Variants in CACNA1C observed in about 807,000 individuals in gnomAD.
CACNA1C encodes the protein calcium voltage-gated channel subunit alpha1 C.
Under a neutral mutation model 229.0 loss-of-function variants are expected in CACNA1C, and 30 were observed. The observed-to-expected ratio is 0.13, with a 90% CI of 0.10 to 0.18. The LOEUF (loss-of-function observed/expected upper bound fraction) is 0.18. CACNA1C is among the 10% of genes least tolerant of loss of function. The pLI, the probability that CACNA1C is intolerant of heterozygous loss-of-function variation, is 1.00. For missense variants in CACNA1C, 1,658 were observed against 2,845.0 expected (o/e 0.58, Z 9.49); for synonymous variants, 1,114 against 1,132.5 (o/e 0.98, Z 0.33).
intron 1 of CACNA1C, among the ~76,000 whole-genome samples, chr12:2,077,944 A>G (rs975519003): frequency 6.6e-6 from 1 of 152,248 alleles, no homozygotes; most frequent in Non-Finnish European, 1.5e-5. Context: ...TAACATAAAA[A>G]TGAAATCTAA....
intron 3 of CACNA1C, among the ~76,000 whole-genome samples, chr12:2,400,049 A>T (rs1476179848): frequency 6.6e-6 from 1 of 152,180 alleles, no homozygotes; most frequent in African/African-American, 2.4e-5. Context: ...GGTGAAAGCA[A>T]GGGGGGTGTA....
At chr12:2,207,375 T>G (rs916444520) in intron 3 of CACNA1C, among the ~76,000 whole-genome samples, 9 of 152,222 alleles carry the variant, frequency 5.9e-5, no homozygotes, top group Admixed American at 4.6e-4. Context: ...TTGTGATAGT[T>G]TGTGTGATAG....
chr12:2,525,499 C>G (rs2099817040), intron 9 of CACNA1C, among the ~76,000 whole-genome samples: 1 of 152,188 alleles, frequency 6.6e-6, no homozygotes, highest in African/African-American at 2.4e-5. Context: ...TTGGTTTGTC[C>G]TGCCTGCTCC....
chr12:2,402,665 A>C (rs2239063), intron 3 of CACNA1C, among the ~76,000 whole-genome samples: 35,331 of 152,200 alleles, frequency 0.23, 4,781 homozygotes, highest in South Asian at 0.32. Flanking sequence ...ATGTTGTTGT[A>C]ATCTGGAGAT....
chr12:2,276,224 G>A (rs1345483552), intron 3 of CACNA1C, among the ~76,000 whole-genome samples: 1 of 152,192 alleles, frequency 6.6e-6, no homozygotes, highest in Non-Finnish European at 1.5e-5. Context: ...TTGGCTCCAG[G>A]TCTGGGATAT....
intron 1 of CACNA1C, among the ~76,000 whole-genome samples, chr12:2,114,210 T>C (rs2154134996): frequency 6.6e-6 from 1 of 152,294 alleles, no homozygotes; most frequent in Admixed American, 6.5e-5. Context: ...AGATGGTGAT[T>C]GGAGCAGCTG....
rs1294444897 is a variant in CACNA1C, at chr12:2,691,074, G to A, written c.6292G>A (p.Val2098Met). Residue 2098 changes from valine (V) to methionine (M), a missense_variant, in exon 47 of 47, where the codon GTG becomes ATG. Physicochemically the swap from Val to Met is conservative, Grantham distance 21. Around this residue, in one of 20 missense-constraint regions of CACNA1C, gnomAD observed 590 missense variants for 700.8 expected, o/e 0.84. Transcript: ENST00000399655. ...QSPNGALLPFVNCRDAGQDRA... is the reference protein window; with the variant it reads ...QSPNGALLPFMNCRDAGQDRA... ...CCCCAATGGCGCCCTCTTACCCTTT[G>A]TGAACTGCAGGGACGCGGGGCAGGA... 5.6e-6 allele frequency: 9 copies of A among 1,611,196 alleles called. No homozygotes were observed. Among genetic ancestry groups the A allele is most frequent in the South Asian group, 5.5e-5 (5 of 90,430 alleles).
intron 5 of CACNA1C, among the ~76,000 whole-genome samples, chr12:2,480,278 C>T (rs998744636): frequency 4.6e-5 from 7 of 152,148 alleles, no homozygotes; most frequent in African/African-American, 1.4e-4. Context: ...GCCCTGGCGC[C>T]GGGACCCTCT....
intron 1 of CACNA1C, among the ~76,000 whole-genome samples, chr12:2,103,281 C>T (rs2077074858): frequency 6.6e-6 from 1 of 152,222 alleles, no homozygotes; most frequent in Admixed American, 6.5e-5. Flanking sequence ...ACCATTCTAA[C>T]TGGCATGAGA....
intron 3 of CACNA1C, among the ~76,000 whole-genome samples, chr12:2,399,542 C>T (rs1010804535): frequency 2.0e-5 from 3 of 152,240 alleles, no homozygotes; most frequent in Admixed American, 6.5e-5. Context: ...CTGAACTCCT[C>T]TCTGACCATA....
At chr12:2,133,062 A>G (rs2092651224) in intron 3 of CACNA1C, among the ~76,000 whole-genome samples, 7 of 26,296 alleles carry the variant, frequency 2.7e-4, no homozygotes, top group African/African-American at 1.2e-3. Flanking sequence ...GAATTTATCC[A>G]TTTCTTCTAG....
intron 11 of CACNA1C, among the ~76,000 whole-genome samples, chr12:2,564,932 AT>A (rs1279159058): frequency 1.3e-5 from 2 of 152,080 alleles, no homozygotes; most frequent in African/African-American, 4.8e-5. Flanking sequence ...AGCCCTCAGC[AT>A]GGCCCCTGCA....
chr12:2,470,507 G>A (rs1010489196), intron 5 of CACNA1C, among the ~76,000 whole-genome samples: 1 of 152,178 alleles, frequency 6.6e-6, no homozygotes, highest in African/African-American at 2.4e-5. Flanking sequence ...GTTATTATTG[G>A]TTGATTCTCT....
intron 1 of CACNA1C, among the ~76,000 whole-genome samples, chr12:1,990,961 C>T (rs1414918298): frequency 7.5e-6 from 1 of 133,650 alleles, no homozygotes; most frequent in African/African-American, 2.9e-5. Context: ...GGTGCAAAGG[C>T]AATCAGTATC....
chr12:2,464,737 G>A (rs16929444), intron 5 of CACNA1C, among the ~76,000 whole-genome samples: 21,126 of 152,184 alleles, frequency 0.14, 1,551 homozygotes, highest in South Asian at 0.19. Context: ...AAAACAGCTC[G>A]CTATTAAACG....
At chr12:2,298,530 C>G (rs1312093045) in intron 3 of CACNA1C, among the ~76,000 whole-genome samples, 1 of 152,164 alleles carries the variant, frequency 6.6e-6, no homozygotes, top group Non-Finnish European at 1.5e-5. Context: ...ATCTCCTGAC[C>G]TTGTGATCTG....
chr12:2,644,484 A>G (rs2094122408), intron 30 of CACNA1C, among the ~76,000 whole-genome samples: 1 of 152,242 alleles, frequency 6.6e-6, no homozygotes, highest in African/African-American at 2.4e-5. Context: ...TAATTTTTAA[A>G]AAACTTTTTT....
At chr12:2,682,416 G>A (rs1603456835) in intron 42 of CACNA1C, 134 bp from the exon 43 acceptor site, 4 of 1,045,034 alleles carry the variant, frequency 3.8e-6, no homozygotes, top group African/African-American at 3.1e-5. Context: ...CTGTATGCCT[G>A]TTCACGTGTG....
intron 18 of CACNA1C, among the ~76,000 whole-genome samples, chr12:2,592,368 A>G (rs184820688): frequency 3.7e-4 from 56 of 152,380 alleles, no homozygotes; most frequent in Middle Eastern, 3.4e-3. Flanking sequence ...ACTGAGGCAC[A>G]GAGAGACTCA....
Sources: allele counts gnomAD v4.1 joint callset (sites outside exome capture counted in the v4.1 genomes callset), GRCh38; gene constraint gnomAD v4.1.1; regional missense constraint gnomAD v4.1.1; transcripts MANE v1.5; gene names NCBI Gene and HGNC (gene_info 2026-07-23, HGNC 2026-07-21).